The following FRMD5 variants were observed in gnomAD, a reference collection of about 807,000 sequenced individuals.
FRMD5 encodes the protein FERM domain containing 5, also known as FERM domain-containing protein 5.
FRMD5 carries 20 observed loss-of-function variants against 69.0 expected under a neutral mutation model. The observed-to-expected ratio is 0.29, with a 90% confidence interval of 0.20 to 0.42. The LOEUF (loss-of-function observed/expected upper bound fraction) is 0.42. Among genes scored for constraint, FRMD5 ranks in the 10% least tolerant of loss-of-function variants. The pLI, the probability that FRMD5 is intolerant of heterozygous loss-of-function variation, is 1.00. For synonymous variants in FRMD5, 271 were observed against 260.1 expected, an observed-to-expected ratio of 1.04 and a Z score of -0.40; for missense variants, 595 against 708.6, an observed-to-expected ratio of 0.84 and a Z score of 1.82.
chr15:43,908,325 C>G (rs1229185082), intron 5 of FRMD5, among the ~76,000 whole-genome samples: 4 of 34,240 alleles, frequency 1.2e-4, no homozygotes, highest in African/African-American at 2.1e-4. Context: ...CAGATCCTGT[C>G]TCAAAAAAAA....
At chr15:44,014,102 A>G (rs1890848551) in intron 1 of FRMD5, among the ~76,000 whole-genome samples, 1 of 151,982 alleles carries the variant, frequency 6.6e-6, no homozygotes, top group East Asian at 1.9e-4. Context: ...TACTTTCAAG[A>G]GAGACACTCA....
intron 1 of FRMD5, among the ~76,000 whole-genome samples, chr15:43,943,045 C>G (rs2089887735): frequency 6.6e-6 from 1 of 152,182 alleles, no homozygotes; most frequent in South Asian, 2.1e-4. Flanking sequence ...AGTTCAAGAC[C>G]AGCCTGACCA....
chr15:44,144,792 G>T (rs567019398), intron 1 of FRMD5, among the ~76,000 whole-genome samples: 1 of 152,106 alleles, frequency 6.6e-6, no homozygotes, highest in Non-Finnish European at 1.5e-5. Flanking sequence ...AAACTGCAAC[G>T]GAGTGAGTCA....
intron 1 of FRMD5, among the ~76,000 whole-genome samples, chr15:44,178,432 T>C (rs2077938001): frequency 6.6e-6 from 1 of 152,198 alleles, no homozygotes; most frequent in African/African-American, 2.4e-5. Flanking sequence ...CTTTGAAATA[T>C]ACCAGAACTC....
intron 1 of FRMD5, among the ~76,000 whole-genome samples, chr15:44,114,972 TC>T (rs1700200324): frequency 6.6e-6 from 1 of 152,186 alleles, no homozygotes; most frequent in Non-Finnish European, 1.5e-5. Flanking sequence ...TTCTGATTTT[TC>T]AAGAGAAGCT....
chr15:43,962,747 T>C (rs1050600786), intron 1 of FRMD5, among the ~76,000 whole-genome samples: 21 of 152,202 alleles, frequency 1.4e-4, no homozygotes, highest in South Asian at 2.1e-4. Flanking sequence ...TCAGAAATAA[T>C]GCCGCATATC....
chr15:43,922,196 G>A (rs922953778), intron 2 of FRMD5, among the ~76,000 whole-genome samples: 2 of 152,172 alleles, frequency 1.3e-5, no homozygotes, highest in Admixed American at 1.3e-4. Flanking sequence ...AACCACACTG[G>A]CCCTGGAGTC....
intron 13 of FRMD5, among the ~76,000 whole-genome samples, chr15:43,875,513 T>C (rs1011704296): frequency 6.6e-6 from 1 of 151,672 alleles, no homozygotes; most frequent in African/African-American, 2.4e-5. Flanking sequence ...AGTCTTACTC[T>C]GTCGCCCAGG....
intron 1 of FRMD5, among the ~76,000 whole-genome samples, chr15:44,023,809 A>G (rs1245348592): frequency 6.6e-6 from 1 of 152,172 alleles, no homozygotes; most frequent in African/African-American, 2.4e-5. Context: ...CTGATTATAA[A>G]TTATGGAACA....
intron 1 of FRMD5, among the ~76,000 whole-genome samples, chr15:43,971,789 C>T (rs1351665827): frequency 6.6e-6 from 1 of 150,988 alleles, no homozygotes; most frequent in Non-Finnish European, 1.5e-5. Context: ...TCACTGCAAC[C>T]TCCATCTCCC....
intron 1 of FRMD5, among the ~76,000 whole-genome samples, chr15:43,968,984 T>C (rs1293791887): frequency 1.3e-5 from 2 of 152,306 alleles, no homozygotes; most frequent in Middle Eastern, 3.4e-3. Context: ...GACAGGACTA[T>C]GGGTGAATGT....
chr15:44,050,998 C>T (rs1245388251), intron 1 of FRMD5, among the ~76,000 whole-genome samples: 1 of 151,836 alleles, frequency 6.6e-6, no homozygotes, highest in East Asian at 1.9e-4. Context: ...TTTCCTAAAT[C>T]TACCCCAAAT....
chr15:44,032,853 A>G lies in FRMD5; in HGVS notation c.103-108544T>C, dbSNP rs149744150. ...TACCATTGGACCCAGCAATCCCATT[A>G]CTGGGTATATACCCAGAGGAAGATA... On this transcript the variant is annotated intron_variant, in intron 1 of 13. Transcript: ENST00000417257. Among the ~76,000 whole-genome samples, 5 of 152,340 alleles carry G rather than the reference A, an allele frequency of 3.3e-5. No individual in the cohort carries two copies. In the East Asian group the frequency reaches 9.6e-4, roughly 29 times the overall value.
intron 1 of FRMD5, among the ~76,000 whole-genome samples, chr15:44,120,418 G>A (rs1196751043): frequency 1.3e-5 from 2 of 152,008 alleles, no homozygotes; most frequent in Non-Finnish European, 2.9e-5. Context: ...CATGATAAGA[G>A]ATTCATGTAT....
chr15:43,968,007 A>G (rs1009258765), intron 1 of FRMD5, among the ~76,000 whole-genome samples: 1 of 151,792 alleles, frequency 6.6e-6, no homozygotes, highest in African/African-American at 2.4e-5. Flanking sequence ...TATGAGTGAG[A>G]ACAATGCATT....
At chr15:43,938,788 A>C (rs73404437) in intron 1 of FRMD5, among the ~76,000 whole-genome samples, 4,068 of 152,304 alleles carry the variant, frequency 0.027, 168 homozygotes, top group African/African-American at 0.092. Flanking sequence ...TGAAGCAAAA[A>C]ATGAGCAGCA....
chr15:44,037,194 G>A (rs910273979), intron 1 of FRMD5, among the ~76,000 whole-genome samples: 5 of 151,818 alleles, frequency 3.3e-5, no homozygotes, highest in African/African-American at 4.8e-5. Flanking sequence ...GTATTCATGT[G>A]TTCTCATTGT....
At chr15:44,122,172 C>T (rs2706471) in intron 1 of FRMD5, among the ~76,000 whole-genome samples, 137,532 of 152,050 alleles carry the variant, frequency 0.9, 62,680 homozygotes, top group East Asian at 1. Flanking sequence ...TTTAACCAAA[C>T]GTAAGCTATT....
intron 1 of FRMD5, among the ~76,000 whole-genome samples, chr15:44,094,700 C>T (rs2076525442): frequency 6.6e-6 from 1 of 152,068 alleles, no homozygotes; most frequent in South Asian, 2.1e-4. Context: ...GCCTATGATT[C>T]CTGTTTTATT....
Sources: allele counts gnomAD v4.1 joint callset (sites outside exome capture counted in the v4.1 genomes callset), GRCh38; gene constraint gnomAD v4.1.1; transcripts MANE v1.5; gene names NCBI Gene and HGNC (gene_info 2026-07-23, HGNC 2026-07-21).